DHRS4L2: variants seen among roughly 807,000 people sequenced by gnomAD.
DHRS4L2 encodes dehydrogenase/reductase SDR family member 4-like 2.
In DHRS4L2, 22 loss-of-function variants were observed where a neutral mutation model predicts 23.9. The observed-to-expected ratio is 0.92, with a 90% CI of 0.66 to 1.31. DHRS4L2 has a LOEUF of 1.31. Ranked by LOEUF, DHRS4L2 falls within the 40% of genes most tolerant of loss-of-function variation. The probability of loss-of-function intolerance (pLI) is 0.00; values close to 1 mark genes in which losing one functional copy is unlikely to be tolerated. For missense variants in DHRS4L2, 385 were observed against 303.3 expected (o/e 1.27, Z -2.00); for synonymous variants, 141 against 123.7 (o/e 1.14, Z -0.93).
chr14:23,989,876 C>A (rs1335851029), intron 1 of DHRS4L2, among the ~76,000 whole-genome samples: 1 of 151,720 alleles, frequency 6.6e-6, no homozygotes, highest in Non-Finnish European at 1.5e-5. Context: ...TGCTGCTGCA[C>A]ACCCAGCTCA....
upstream of DHRS4L2, chr14:23,988,751 G>C (rs867838337): frequency 2.2e-6 from 3 of 1,384,134 alleles, no homozygotes; most frequent in Middle Eastern, 7.3e-4. Context: ...GCAAGCCCCA[G>C]TCAGGCGGAA....
At chr14:23,994,719 C>T (rs867312626) in intron 2 of DHRS4L2, among the ~76,000 whole-genome samples, 187 of 146,206 alleles carry the variant, frequency 1.3e-3, no homozygotes, top group African/African-American at 4.8e-3. Flanking sequence ...AAATGGTTAG[C>T]GGCAGATCTT....
At chr14:23,995,216 C>A (rs979827176) in intron 3 of DHRS4L2, 83 bp downstream of exon 3, 3 of 1,494,020 alleles carry the variant, frequency 2.0e-6, no homozygotes, top group African/African-American at 2.8e-5. Flanking sequence ...ATGCATTTCT[C>A]AAGGGCAGTG....
intron 1 of DHRS4L2, among the ~76,000 whole-genome samples, 157 bp from the exon 2 acceptor site, chr14:23,990,025 A>G (rs1232554896): frequency 2.6e-5 from 4 of 151,896 alleles, no homozygotes; most frequent in Admixed American, 6.5e-5. Flanking sequence ...AAAAATGGCC[A>G]TGCCATTAAG....
chr14:23,975,622 A>G (rs2033951085), intron 1 of DHRS4L2, among the ~76,000 whole-genome samples: 1 of 151,848 alleles, frequency 6.6e-6, no homozygotes, highest in Non-Finnish European at 1.5e-5. Flanking sequence ...AGTATAGCCA[A>G]GGAAATCATA....
chr14:23,990,307 G>A lies in DHRS4L2; in HGVS notation c.254G>A (p.Gly85Asp). Residue 85 changes from glycine (G) to aspartate (D), a missense_variant, in exon 2 of 8, where the codon GGC becomes GAC. Coordinates refer to ENST00000335125, the MANE Select transcript of DHRS4L2 (RefSeq NM_198083.4). ...CAGGGGGAGGGGCTGAGCGTGACGGGCACTGTGTGCCATGTGGGGAAGGCG... is the reference window on the plus strand; with the variant it reads ...CAGGGGGAGGGGCTGAGCGTGACGGACACTGTGTGCCATGTGGGGAAGGCG... ...TLQGEGLSVT[G>D]TVCHVGKAED... 1.2e-6 allele frequency: 2 copies of A among 1,612,192 alleles called. No homozygotes were observed. The highest frequency in any genetic ancestry group is 2.2e-5 in the East Asian group (1 of 44,858).
At chr14:23,987,386 C>T (rs8006193), upstream of DHRS4L2, 38,274 of 195,676 alleles carry the variant, frequency 0.2, 4,822 homozygotes, top group African/African-American at 0.32. Flanking sequence ...GCCTCGGCCT[C>T]CCAAAGTGCT....
intron 6 of DHRS4L2, among the ~76,000 whole-genome samples, chr14:24,002,185 T>G: frequency 1.3e-5 from 1 of 76,160 alleles, no homozygotes; most frequent in South Asian, 4.7e-4. Flanking sequence ...CCTGTGTCCA[T>G]GTGATCTCAT....
intron 1 of DHRS4L2, among the ~76,000 whole-genome samples, chr14:23,975,647 A>G (rs1051313481): frequency 2.1e-4 from 32 of 151,814 alleles, no homozygotes; most frequent in African/African-American, 7.5e-4. Context: ...AAAAGAACAA[A>G]GCTGGAGGCG....
intron 1 of DHRS4L2, among the ~76,000 whole-genome samples, chr14:23,983,777 A>G (rs1002322081): frequency 6.6e-6 from 1 of 151,626 alleles, no homozygotes; most frequent in African/African-American, 2.4e-5. Flanking sequence ...AAACTAACAC[A>G]AAAACAGAAA....
chr14:24,005,803 G>C, intron 7 of DHRS4L2, 83 bp from the exon 8 acceptor site: 7 of 1,563,070 alleles, frequency 4.5e-6, no homozygotes, highest in Non-Finnish European at 1.7e-6. Flanking sequence ...TCTTGATTAA[G>C]CAAATTTAAC....
chr14:24,001,305 C>G, intron 5 of DHRS4L2, 79 bp from the exon 6 acceptor site: 1 of 1,576,914 alleles, frequency 6.3e-7, no homozygotes, highest in Non-Finnish European at 8.6e-7. Context: ...CCCTACTGAG[C>G]ACTGCCCTCT....
intron 1 of DHRS4L2, among the ~76,000 whole-genome samples, chr14:23,970,593 C>T (rs997758970): frequency 3.9e-5 from 6 of 152,096 alleles, no homozygotes; most frequent in Non-Finnish European, 8.8e-5. Flanking sequence ...AGTGTCCTTG[C>T]CTGACATCTC....
At chr14:23,981,003 G>C (rs1240347687) in intron 1 of DHRS4L2, among the ~76,000 whole-genome samples, 2 of 151,746 alleles carry the variant, frequency 1.3e-5, no homozygotes, top group African/African-American at 2.4e-5. Context: ...ATTAGGAAAA[G>C]AGGAAGTCAA....
intron 2 of DHRS4L2, among the ~76,000 whole-genome samples, chr14:23,993,887 A>G (rs1048602020): frequency 4.6e-5 from 7 of 151,620 alleles, no homozygotes; most frequent in Non-Finnish European, 2.9e-5. Context: ...CTTATGAATT[A>G]GCTCTGTGCT....
At chr14:23,973,239 C>A (rs1474849848) in intron 1 of DHRS4L2, among the ~76,000 whole-genome samples, 5 of 151,946 alleles carry the variant, frequency 3.3e-5, no homozygotes, top group Non-Finnish European at 5.9e-5. Context: ...TTGGACAATA[C>A]CCTGCTTTCA....
intron 1 of DHRS4L2, among the ~76,000 whole-genome samples, chr14:23,982,137 A>C (rs1437889457): frequency 6.6e-6 from 1 of 151,632 alleles, no homozygotes; most frequent in Non-Finnish European, 1.5e-5. Context: ...AGACTATCAC[A>C]TGGGGAGAAA....
At chr14:23,985,369 C>T (rs184993368), upstream of DHRS4L2, among the ~76,000 whole-genome samples, 3 of 151,448 alleles carry the variant, frequency 2.0e-5, no homozygotes, top group Admixed American at 2.0e-4. Flanking sequence ...TGTTAACACT[C>T]TTACTATTAT....
intron 1 of DHRS4L2, among the ~76,000 whole-genome samples, chr14:23,974,093 C>T (rs907926314): frequency 6.6e-6 from 1 of 151,838 alleles, no homozygotes; most frequent in Non-Finnish European, 1.5e-5. Flanking sequence ...GACTGAAAAA[C>T]TCACTCAAAA....
Sources: gnomAD v4.1 joint callset for allele counts (sites outside exome capture counted in the v4.1 genomes callset) on GRCh38, gnomAD v4.1.1 for gene constraint, MANE v1.5 for transcripts, NCBI Gene and HGNC (gene_info 2026-07-23, HGNC 2026-07-21) for gene names.